The following ANKS1B variants were observed in gnomAD, a reference collection of about 807,000 sequenced individuals.
ANKS1B encodes ankyrin repeat and sterile alpha motif domain containing 1B, also known as ankyrin repeat and sterile alpha motif domain-containing protein 1B.
Under a neutral mutation model 148.3 loss-of-function variants are expected in ANKS1B, and 36 were observed. That is an observed-to-expected ratio of 0.24 (90% CI 0.19 to 0.32). The LOEUF is 0.32. Among genes scored for constraint, ANKS1B ranks in the 10% least tolerant of loss-of-function variants. The pLI is 1.00. For missense variants in ANKS1B, 1,157 were observed against 1,542.6 expected (o/e 0.75, Z 4.19); for synonymous variants, 542 against 560.8 (o/e 0.97, Z 0.47).
intron 25 of ANKS1B, among the ~76,000 whole-genome samples, chr12:98,763,886 C>T (rs983444917): frequency 6.6e-6 from 1 of 152,156 alleles, no homozygotes; most frequent in Admixed American, 6.5e-5. Flanking sequence ...TAACTTTATG[C>T]CTCACCCCAA....
intron 8 of ANKS1B, among the ~76,000 whole-genome samples, chr12:99,741,245 A>ACACACACACACACACAC (rs55942643): frequency 1.4e-5 from 2 of 146,942 alleles, no homozygotes; most frequent in African/African-American, 2.5e-5. Flanking sequence ...ACACACACAC[A>ACACACACACACACACAC]TCAGGAAACA....
rs560275980 is a variant in ANKS1B at position 99,600,831 on chromosome 12, A to C, written c.1272+54236T>G. Among the ~76,000 whole-genome samples the C allele has an allele frequency of 1.2e-3, 182 of 152,162 alleles. 1 individual carries two copies. Among genetic ancestry groups the C allele is most frequent in the African/African-American group, 3.9e-3 (163 of 41,540 alleles). On this transcript the variant is annotated intron_variant, in intron 9 of 26. Transcript: ENST00000683438. ...TACCTACATCTCCAACACTATTTTTATCTCTTTTGTTTTCCAAGTACAAAA... is the reference window on the plus strand; with the variant it reads ...TACCTACATCTCCAACACTATTTTTCTCTCTTTTGTTTTCCAAGTACAAAA...
At chr12:99,286,525 G>C (rs1021297633) in intron 12 of ANKS1B, among the ~76,000 whole-genome samples, 6 of 152,096 alleles carry the variant, frequency 3.9e-5, no homozygotes, top group Admixed American at 1.3e-4. Flanking sequence ...GGAAAGGAGA[G>C]GGAAGAGTAA....
chr12:99,651,785 T>A lies in ANKS1B; in HGVS notation c.1272+3282A>T, dbSNP rs1347721083. ...TTTAAGAGATAATTTAGATAATAGA[T>A]ACTGATAATAACAGAAAAAGATTTA... On this transcript the variant is annotated intron_variant, in intron 9 of 26. Transcript: ENST00000683438. 5.9e-5 allele frequency among the ~76,000 whole-genome samples: 9 copies of A among 152,136 alleles called. No individual in the cohort carries two copies. The East Asian group carries it at 1.7e-3, about 29-fold the overall frequency.
chr12:99,360,610 T>G (rs1345574925), intron 12 of ANKS1B, among the ~76,000 whole-genome samples: 5 of 152,114 alleles, frequency 3.3e-5, no homozygotes, highest in Non-Finnish European at 5.9e-5. Flanking sequence ...AAGTGCTACA[T>G]GCTTCTCATC....
Position 98,888,669 on chromosome 12 carries a change from G to T in ANKS1B, c.2779-56533C>A, listed in dbSNP as rs1596317214. Among the ~76,000 whole-genome samples the T allele has an allele frequency of 2.6e-5, 4 of 152,206 alleles. No individual in the cohort carries two copies. In the South Asian group the frequency reaches 6.2e-4, roughly 24 times the overall value. Reference sequence around the variant, plus strand: ...CCATGAGCTGTTCCCCTAGCCTGGGGTGTTCTTTCTCCAGCATCTCCGTAT... The same window carrying T: ...CCATGAGCTGTTCCCCTAGCCTGGGTTGTTCTTTCTCCAGCATCTCCGTAT... On this transcript the variant is annotated intron_variant, in intron 17 of 26. Coordinates refer to ENST00000683438, the MANE Select transcript of ANKS1B (RefSeq NM_001352186.2).
chr12:99,531,317 A>T (rs11109899), intron 9 of ANKS1B, among the ~76,000 whole-genome samples: 2,043 of 152,236 alleles, frequency 0.013, 49 homozygotes, highest in African/African-American at 0.047. Flanking sequence ...AGCTTTAGGA[A>T]TACAAGTGTT....
chr12:99,096,992 T>A (rs2056402585), intron 15 of ANKS1B: 1 of 152,224 alleles, frequency 6.6e-6, no homozygotes. Context: ...TGGTATTATA[T>A]GTCTTGTTTC....
intron 25 of ANKS1B, among the ~76,000 whole-genome samples, chr12:98,763,927 C>G (rs539260945): frequency 2.6e-5 from 4 of 152,172 alleles, no homozygotes; most frequent in Non-Finnish European, 5.9e-5. Context: ...CTTTGTTAAA[C>G]CACAACTTGC....
intron 15 of ANKS1B, among the ~76,000 whole-genome samples, chr12:99,116,287 G>T (rs531990135): frequency 1.3e-5 from 2 of 152,156 alleles, no homozygotes; most frequent in East Asian, 3.9e-4. Context: ...TCTATACTGG[G>T]GACACTATAG....
At chr12:99,457,500 T>G (rs1354966385) in intron 10 of ANKS1B, among the ~76,000 whole-genome samples, 1 of 152,058 alleles carries the variant, frequency 6.6e-6, no homozygotes, top group Non-Finnish European at 1.5e-5. Flanking sequence ...GGATGAGAAT[T>G]CACTAGCCAA....
At chr12:99,652,696 T>G (rs1255239612) in intron 9 of ANKS1B, among the ~76,000 whole-genome samples, 3 of 152,180 alleles carry the variant, frequency 2.0e-5, no homozygotes, top group African/African-American at 7.2e-5. Context: ...AGTCAGCTGC[T>G]AGTTTTAATT....
At chr12:99,052,322 A>G (rs2099966641) in intron 17 of ANKS1B, among the ~76,000 whole-genome samples, 1 of 152,380 alleles carries the variant, frequency 6.6e-6, no homozygotes, top group East Asian at 1.9e-4. Context: ...AACAGAGACA[A>G]CGTAAGATTA....
intron 17 of ANKS1B, among the ~76,000 whole-genome samples, chr12:98,964,945 T>C (rs904727290): frequency 2.0e-5 from 3 of 152,098 alleles, no homozygotes; most frequent in Admixed American, 2.0e-4. Flanking sequence ...CAACAATAAT[T>C]TATTGTACAT....
At chr12:98,995,643 G>T (rs1051052904) in intron 17 of ANKS1B, among the ~76,000 whole-genome samples, 2 of 152,120 alleles carry the variant, frequency 1.3e-5, no homozygotes, top group Non-Finnish European at 2.9e-5. Flanking sequence ...ACCATCCAAT[G>T]TAGAACAACT....
Position 99,717,655 on chromosome 12 carries a change from C to T in ANKS1B, c.1128+55267G>A, listed in dbSNP as rs185141920. On this transcript the variant is annotated intron_variant, in intron 8 of 26. Coordinates refer to ENST00000683438, the MANE Select transcript of ANKS1B (RefSeq NM_001352186.2). ...TTCCCAGATCTTCTCGGCTTAGTGG[C>T]TGAAGACTGACACTGCCCGATCGCC... 1.0e-3 allele frequency among the ~76,000 whole-genome samples: 156 copies of T among 152,342 alleles called. 1 individual carries two copies. Among genetic ancestry groups the T allele is most frequent in the African/African-American group, 3.7e-3 (153 of 41,584 alleles).
intron 24 of ANKS1B, among the ~76,000 whole-genome samples, chr12:98,773,669 T>G (rs2098631008): frequency 6.6e-6 from 1 of 152,194 alleles, no homozygotes; most frequent in Admixed American, 6.5e-5. Flanking sequence ...TTGGCCAGGC[T>G]GGTCTTGAAC....
At chr12:99,749,478 T>C (rs73145405) in intron 8 of ANKS1B, among the ~76,000 whole-genome samples, 27,441 of 151,946 alleles carry the variant, frequency 0.18, 2,971 homozygotes, top group East Asian at 0.49. Context: ...AAGCCTAGAT[T>C]TTTCATTTAT....
chr12:98,969,519 GA>G (rs767280318), intron 17 of ANKS1B, among the ~76,000 whole-genome samples: 189 of 151,974 alleles, frequency 1.2e-3, no homozygotes, highest in Non-Finnish European at 2.4e-3. Flanking sequence ...TAAAAAATAT[GA>G]ATTATATAAG....
Sources: allele counts gnomAD v4.1 joint callset (sites outside exome capture counted in the v4.1 genomes callset), GRCh38; gene constraint gnomAD v4.1.1; transcripts MANE v1.5; gene names NCBI Gene and HGNC (gene_info 2026-07-23, HGNC 2026-07-21).